Variants in FBXO31 observed in about 807,000 individuals in gnomAD.
FBXO31 encodes F-box protein 31, also known as F-box only protein 31.
FBXO31 carries 24 observed loss-of-function variants against 54.4 expected under a neutral mutation model. That is an observed-to-expected ratio of 0.44 (90% CI 0.32 to 0.62). FBXO31 has a LOEUF of 0.62. Ranked by LOEUF, FBXO31 falls within the 20% of genes least tolerant of loss-of-function variation. FBXO31 has a pLI of 0.05. For missense variants in FBXO31, 665 were observed against 787.1 expected (o/e 0.84, Z 1.86); for synonymous variants, 388 against 335.6 (o/e 1.16, Z -1.71).
At chr16:87,369,956 G>A (rs1906528334) in intron 1 of FBXO31, among the ~76,000 whole-genome samples, 1 of 152,202 alleles carries the variant, frequency 6.6e-6, no homozygotes, top group South Asian at 2.1e-4. Flanking sequence ...CAGCTACACT[G>A]AAGCTGTGCC....
intron 2 of FBXO31, among the ~76,000 whole-genome samples, chr16:87,349,271 C>G (rs1470058404): frequency 6.6e-6 from 1 of 152,188 alleles, no homozygotes; most frequent in African/African-American, 2.4e-5. Flanking sequence ...ACTATTCTAA[C>G]TACAGCAATC....
At chr16:87,363,531 C>T (rs1284474945) in intron 1 of FBXO31, among the ~76,000 whole-genome samples, 1 of 152,168 alleles carries the variant, frequency 6.6e-6, no homozygotes, top group African/African-American at 2.4e-5. Context: ...GAAAATTTGT[C>T]AATGATAGAA....
At chr16:87,383,832 G>T, upstream of FBXO31, 1 of 976,400 alleles carries the variant, frequency 1.0e-6, no homozygotes, top group Non-Finnish European at 1.3e-6. This position sits in a 1 kb window ranked among gnomAD's most constrained non-coding sequence, Gnocchi z 4.9. Flanking sequence ...CCCCGCCGCA[G>T]AGCTCGCCAC....
chr16:87,340,090 C>T (rs1905145330), intron 5 of FBXO31, among the ~76,000 whole-genome samples: 2 of 152,154 alleles, frequency 1.3e-5, no homozygotes, highest in Non-Finnish European at 2.9e-5. Context: ...CGAGACCAAC[C>T]TGGCCAACAT....
intron 1 of FBXO31, among the ~76,000 whole-genome samples, chr16:87,379,217 A>T (rs1906964517): frequency 6.6e-6 from 1 of 152,048 alleles, no homozygotes; most frequent in African/African-American, 2.4e-5. Flanking sequence ...CAACCTCCAC[A>T]TCCCAGGTTC....
intron 5 of FBXO31, among the ~76,000 whole-genome samples, chr16:87,341,181 A>G (rs1905182365): frequency 6.6e-6 from 1 of 152,324 alleles, no homozygotes; most frequent in African/African-American, 2.4e-5. Context: ...TATATTTACA[A>G]TCAGGAAAAA....
At chr16:87,390,968 A>G (rs147379735), upstream of FBXO31, among the ~76,000 whole-genome samples, 946 of 152,302 alleles carry the variant, frequency 6.2e-3, 9 homozygotes, top group Non-Finnish European at 8.1e-3. Flanking sequence ...ACTTTATCCA[A>G]TTGGGATAGA....
chr16:87,353,975 G>A (rs957853658), intron 2 of FBXO31, among the ~76,000 whole-genome samples: 6 of 152,202 alleles, frequency 3.9e-5, no homozygotes, highest in African/African-American at 7.2e-5. Flanking sequence ...ACGTCTCTGC[G>A]GCCCCCGCTG....
At chr16:87,355,755 C>T (rs1043718306) in intron 2 of FBXO31, among the ~76,000 whole-genome samples, 2 of 152,142 alleles carry the variant, frequency 1.3e-5, no homozygotes, top group Admixed American at 6.5e-5. Flanking sequence ...AGCCCGGCAG[C>T]GTGGGGAGGA....
Position 87,358,951 on chromosome 16 carries a change from G to T in FBXO31, c.412+1344C>A, listed in dbSNP as rs796789618. Among the ~76,000 whole-genome samples the T allele has an allele frequency of 6.6e-6, 1 of 152,120 alleles. No homozygotes were observed. Among genetic ancestry groups the T allele is most frequent in the Non-Finnish European group, 1.5e-5 (1 of 68,002 alleles). ...CAGCCTGCTAACTCAGGCCAGCCTC[G>T]TCACAGGTCATCCAAGGTTGCCCAA... On this transcript the variant is annotated intron_variant, in intron 2 of 8. Coordinates refer to ENST00000311635, the MANE Select transcript of FBXO31 (RefSeq NM_024735.5). The surrounding 1 kb of genome is among the most constrained non-coding windows in gnomAD (Gnocchi z 4.0).
intron 1 of FBXO31, among the ~76,000 whole-genome samples, chr16:87,371,192 A>G (rs1026893924): frequency 2.6e-5 from 4 of 152,230 alleles, no homozygotes; most frequent in Non-Finnish European, 5.9e-5. Flanking sequence ...GTGCTAAACA[A>G]TGAGGTGACC....
At chr16:87,379,429 A>T (rs1357361532) in intron 1 of FBXO31, among the ~76,000 whole-genome samples, 1 of 152,156 alleles carries the variant, frequency 6.6e-6, no homozygotes, top group East Asian at 1.9e-4. Context: ...TTGTTTACTT[A>T]TGTTGACCAG....
At chr16:87,337,411 G>C (rs1244880824) in intron 5 of FBXO31, among the ~76,000 whole-genome samples, 1 of 152,132 alleles carries the variant, frequency 6.6e-6, no homozygotes, top group African/African-American at 2.4e-5. Flanking sequence ...AGCCCACCAG[G>C]CACTACACAG....
intron 7 of FBXO31, among the ~76,000 whole-genome samples, chr16:87,334,794 T>C (rs1449359267): frequency 6.6e-6 from 1 of 152,186 alleles, no homozygotes; most frequent in Non-Finnish European, 1.5e-5. Context: ...GCGGGCAGCA[T>C]GTGCCAGGAG....
At chr16:87,362,936 G>T (rs922606861) in intron 1 of FBXO31, among the ~76,000 whole-genome samples, 2 of 152,182 alleles carry the variant, frequency 1.3e-5, no homozygotes, top group Non-Finnish European at 2.9e-5. Context: ...CTACAAACAG[G>T]CCTGGGGACC....
At chr16:87,371,721 C>T (rs1199526344) in intron 1 of FBXO31, among the ~76,000 whole-genome samples, 1 of 152,212 alleles carries the variant, frequency 6.6e-6, no homozygotes, top group Non-Finnish European at 1.5e-5. Context: ...AACCCCAGAC[C>T]CTCAGATGCA....
At chr16:87,377,632 C>T (rs1033481284) in intron 1 of FBXO31, among the ~76,000 whole-genome samples, 2 of 151,936 alleles carry the variant, frequency 1.3e-5, no homozygotes, top group Non-Finnish European at 2.9e-5. Context: ...TCAAGACCAG[C>T]GGGGGCAACA....
intron 5 of FBXO31, among the ~76,000 whole-genome samples, chr16:87,342,246 G>T (rs951796733): frequency 6.6e-6 from 1 of 151,942 alleles, no homozygotes; most frequent in South Asian, 2.1e-4. Context: ...GTAGAGACAG[G>T]GTCTCACTAT....
rs886781016 is a variant in FBXO31, at chr16:87,335,711, G to C, written c.843-254C>G. 2.0e-5 allele frequency among the ~76,000 whole-genome samples: 3 copies of C among 152,178 alleles called. No individual in the cohort carries two copies. The highest frequency in any genetic ancestry group is 1.9e-4 in the East Asian group (1 of 5,192). ...CATCAGCGCCAGGGCAGAGCTTTAG[G>C]TGGGAGGGAAAAGGAAGTGCCAGTT... On this transcript the variant is annotated intron_variant, in intron 6 of 8. Coordinates refer to ENST00000311635, the MANE Select transcript of FBXO31 (RefSeq NM_024735.5). This position sits in a 1 kb window ranked among gnomAD's most constrained non-coding sequence, Gnocchi z 5.7.
Sources: gnomAD v4.1 joint callset for allele counts (sites outside exome capture counted in the v4.1 genomes callset) on GRCh38, gnomAD v4.1.1 for gene constraint, Gnocchi (gnomAD v3.1) non-coding constraint, MANE v1.5 for transcripts, NCBI Gene and HGNC (gene_info 2026-07-23, HGNC 2026-07-21) for gene names.